Variants in STXBP5L observed in about 807,000 individuals in gnomAD.
STXBP5L encodes the protein syntaxin-binding protein 5-like.
A neutral mutation model predicts 144.5 loss-of-function variants in STXBP5L; 65 were observed. The ratio of observed to expected loss-of-function variants is 0.45; its 90% confidence interval spans 0.37 to 0.55. The LOEUF (loss-of-function observed/expected upper bound fraction) is 0.55. Ranked by LOEUF, STXBP5L falls within the 20% of genes least tolerant of loss-of-function variation. STXBP5L has a pLI of 0.00. For missense variants in STXBP5L, 1,298 were observed against 1,405.5 expected (o/e 0.92, Z 1.22); for synonymous variants, 505 against 469.6 (o/e 1.08, Z -0.97).
intron 5 of STXBP5L, 51 bp from the exon 6 acceptor site, chr3:121,114,874 C>T (rs973729092): frequency 1.2e-5 from 15 of 1,299,202 alleles, no homozygotes; most frequent in Non-Finnish European, 1.3e-5. Context: ...AAATATAATG[C>T]TGACCAAATG....
chr3:120,961,196 A>AT (rs1381978236), intron 3 of STXBP5L, among the ~76,000 whole-genome samples: 18 of 96,596 alleles, frequency 1.9e-4, no homozygotes, highest in Admixed American at 3.6e-4. Context: ...GATTTTATTT[A>AT]GTTTTTTTTT....
intron 5 of STXBP5L, among the ~76,000 whole-genome samples, chr3:121,112,861 G>A (rs1170438762): frequency 6.6e-6 from 1 of 152,078 alleles, no homozygotes; most frequent in Non-Finnish European, 1.5e-5. Context: ...TTGTATAAAG[G>A]TATTGACTAA....
intron 3 of STXBP5L, among the ~76,000 whole-genome samples, chr3:121,018,523 C>CAAAAAAA (rs139946627): frequency 9.8e-6 from 1 of 101,922 alleles, no homozygotes; most frequent in Non-Finnish European, 2.0e-5. Flanking sequence ...ATCCATATAC[C>CAAAAAAA]AAAAAAAAAA....
chr3:121,007,098 T>C (rs1220600491), intron 3 of STXBP5L, among the ~76,000 whole-genome samples: 1 of 152,074 alleles, frequency 6.6e-6, no homozygotes, highest in Non-Finnish European at 1.5e-5. Context: ...TATTGGCCTG[T>C]CTTGCTAGAT....
At chr3:121,081,306 C>T (rs2042238705) in intron 5 of STXBP5L, among the ~76,000 whole-genome samples, 1 of 151,954 alleles carries the variant, frequency 6.6e-6, no homozygotes, top group South Asian at 2.1e-4. Context: ...TCTGGTATTT[C>T]CTTGGGTAAA....
At position 121,423,614 on chromosome 3, in the gene STXBP5L, G is replaced by A. The variant is rs1383863835; in HGVS notation, c.*4517G>A. On this transcript the variant is annotated 3_prime_UTR_variant, in exon 27 of 27. Coordinates refer to ENST00000471454, the MANE Select transcript of STXBP5L (RefSeq NM_001308330.2). ...TTGACTGTACATAAGAATCACCTCA[G>A]GAAATTTTTAAATTCCCAATTATAT... The A allele has an allele frequency of 1.3e-5, 2 of 152,160 alleles. No individual in the cohort carries two copies. Among genetic ancestry groups the A allele is most frequent in the African/African-American group, 4.8e-5 (2 of 41,440 alleles). The allele number at this position is 152,160 out of a possible 1,614,324, so 9.4% of individuals were successfully genotyped here. A position where few individuals can be genotyped will look rare whatever the true frequency, so the allele number is the denominator to read the frequency against.
intron 18 of STXBP5L, among the ~76,000 whole-genome samples, chr3:121,269,526 G>A (rs1167926233): frequency 6.6e-6 from 1 of 152,086 alleles, no homozygotes; most frequent in South Asian, 2.1e-4. Flanking sequence ...CTTAGTGCAA[G>A]ATCTTGCATC....
intron 14 of STXBP5L, among the ~76,000 whole-genome samples, chr3:121,249,425 T>C (rs530378686): frequency 1.9e-3 from 287 of 152,302 alleles, no homozygotes; most frequent in African/African-American, 6.5e-3. Context: ...TGGCACAAAT[T>C]GTGTTAGATT....
At chr3:121,085,591 A>G (rs1392376295) in intron 5 of STXBP5L, among the ~76,000 whole-genome samples, 1 of 152,202 alleles carries the variant, frequency 6.6e-6, no homozygotes, top group Non-Finnish European at 1.5e-5. Flanking sequence ...TACAAAGAGA[A>G]TAAAATATCT....
intron 3 of STXBP5L, among the ~76,000 whole-genome samples, chr3:120,966,388 C>G (rs1166883445): frequency 2.6e-5 from 4 of 152,200 alleles, no homozygotes; most frequent in Non-Finnish European, 5.9e-5. Flanking sequence ...TTCAGCTTTT[C>G]TGCTCTGGTT....
chr3:121,360,620 T>C (rs2045684464), intron 20 of STXBP5L, among the ~76,000 whole-genome samples: 1 of 152,132 alleles, frequency 6.6e-6, no homozygotes, highest in African/African-American at 2.4e-5. Flanking sequence ...TATAACCCGC[T>C]ATTTAACCTG....
rs1165373777 is a variant in STXBP5L at position 120,908,241 on chromosome 3, C to G, written c.-102C>G. The G allele has an allele frequency of 6.6e-6, 1 of 152,222 alleles. No homozygotes were observed. The highest frequency in any genetic ancestry group is 1.5e-5 in the Non-Finnish European group (1 of 68,070). 9.4% of individuals were successfully genotyped at this position (152,222 alleles called of 1,614,324 possible). Reference sequence around the variant, plus strand: ...TAGGACCTCGGAGAGCGCCAGGCGCCGCGACCAGAGGGCCCAGAGAAGCGG... The same window carrying G: ...TAGGACCTCGGAGAGCGCCAGGCGCGGCGACCAGAGGGCCCAGAGAAGCGG... On this transcript the variant is annotated 5_prime_UTR_variant, in exon 1 of 27. Transcript: ENST00000471454.
chr3:120,933,046 G>T lies in STXBP5L; in HGVS notation c.190-21894G>T, dbSNP rs1165970747. On this transcript the variant is annotated intron_variant, in intron 2 of 26. Transcript: ENST00000471454. ...GGAACATCACACACCAGGGCCTGTT[G>T]TGGGGTGGGGGGAGGGGGAGGGATA... is the stretch of plus-strand genomic sequence containing the variant. Among the ~76,000 whole-genome samples the T allele has an allele frequency of 2.3e-5, 3 of 130,514 alleles. No homozygotes were observed. The Admixed American group carries it at 2.4e-4, about 11-fold the overall frequency. The allele number at this position is 130,514 out of a possible 152,430, so 85.6% of individuals were successfully genotyped here. A position where few individuals can be genotyped will look rare whatever the true frequency, so the allele number is the denominator to read the frequency against.
intron 3 of STXBP5L, among the ~76,000 whole-genome samples, chr3:120,975,427 C>G (rs1050362206): frequency 2.6e-5 from 4 of 152,176 alleles, no homozygotes; most frequent in African/African-American, 9.7e-5. Flanking sequence ...TGCTTATCAG[C>G]TTAAGGAGAT....
chr3:121,082,066 A>G (rs1267570280), intron 5 of STXBP5L, among the ~76,000 whole-genome samples: 1 of 152,136 alleles, frequency 6.6e-6, no homozygotes, highest in Non-Finnish European at 1.5e-5. Flanking sequence ...TTCCAACTTT[A>G]TTCTTTTTCA....
In STXBP5L at chr3:121,394,788, G is replaced by A. The variant is rs893575805; in HGVS notation, c.2588-12455G>A. On this transcript the variant is annotated intron_variant, in intron 22 of 26. Coordinates refer to ENST00000471454, the MANE Select transcript of STXBP5L (RefSeq NM_001308330.2). ...CCTGGCTAATTTTTTGCATTTTTTA[G>A]TAGAGACAGGGTTTCACATGTTAGC... 3.3e-5 allele frequency among the ~76,000 whole-genome samples: 5 copies of A among 151,724 alleles called. No homozygotes were observed. The East Asian group carries it at 9.7e-4, about 29-fold the overall frequency.
At chr3:121,082,270 C>G (rs377308188) in intron 5 of STXBP5L, among the ~76,000 whole-genome samples, 7 of 151,782 alleles carry the variant, frequency 4.6e-5, no homozygotes, top group African/African-American at 1.7e-4. Flanking sequence ...TCTACATTTA[C>G]TTAGATCTTC....
intron 2 of STXBP5L, among the ~76,000 whole-genome samples, chr3:120,935,752 CTCAA>C (rs1710232610): frequency 6.6e-6 from 1 of 151,712 alleles, no homozygotes. Context: ...ACCCTAAGTC[CTCAA>C]TAGATAAAGT....
intron 5 of STXBP5L, among the ~76,000 whole-genome samples, chr3:121,093,257 G>T (rs1468653575): frequency 1.3e-5 from 2 of 152,146 alleles, no homozygotes; most frequent in African/African-American, 4.8e-5. Flanking sequence ...TCTCTGCCCG[G>T]CTTTGGTATC....
Sources: gnomAD v4.1 joint callset for allele counts (sites outside exome capture counted in the v4.1 genomes callset) on GRCh38, gnomAD v4.1.1 for gene constraint, MANE v1.5 for transcripts, NCBI Gene and HGNC (gene_info 2026-07-23, HGNC 2026-07-21) for gene names.